SLC35D2: variants seen among roughly 807,000 people sequenced by gnomAD.
SLC35D2 encodes solute carrier family 35 member D2.
Under a neutral mutation model 41.8 loss-of-function variants are expected in SLC35D2, and 43 were observed. The ratio of observed to expected loss-of-function variants is 1.03; its 90% CI spans 0.81 to 1.33. The LOEUF (loss-of-function observed/expected upper bound fraction) is 1.33. SLC35D2 is among the 40% of genes most tolerant of loss of function. The pLI is 0.00. For missense variants in SLC35D2, 380 were observed against 408.4 expected (o/e 0.93, Z 0.60); for synonymous variants, 150 against 163.9 (o/e 0.92, Z 0.65).
chr9:96,379,656 G>A (rs1323285714), intron 1 of SLC35D2, among the ~76,000 whole-genome samples: 2 of 152,042 alleles, frequency 1.3e-5, no homozygotes, highest in African/African-American at 4.8e-5. Flanking sequence ...CGATTTCTAT[G>A]GTTTATTGTT....
At chr9:96,324,192 G>C in intron 9 of SLC35D2, 23 bp from the exon 10 acceptor site, 1 of 1,591,670 alleles carries the variant, frequency 6.3e-7, no homozygotes, top group Non-Finnish European at 8.6e-7. Flanking sequence ...AGCAGACACT[G>C]GAGTGTGTGC....
In SLC35D2 at chr9:96,345,421, G is replaced by A. The variant is rs1338472428; in HGVS notation, c.489-20C>T. On this transcript the variant is annotated intron_variant, in intron 6 of 11. Coordinates refer to ENST00000253270, the MANE Select transcript of SLC35D2 (RefSeq NM_007001.3). The stretch of plus-strand genomic sequence containing the variant: ...TCAGACCTGGGAGGGAGACCACAAA[G>A]GGAGAATGATTACTCAAAAACTCAC... The A allele has an allele frequency of 7.2e-7, 1 of 1,390,842 alleles. No homozygotes were observed. Among genetic ancestry groups the A allele is most frequent in the East Asian group, 2.3e-5 (1 of 43,676 alleles). The allele number at this position is 1,390,842 out of a possible 1,614,324, so 86.2% of individuals were successfully genotyped here.
intron 2 of SLC35D2, among the ~76,000 whole-genome samples, chr9:96,367,000 C>T (rs1423472141): frequency 6.7e-6 from 1 of 149,506 alleles, no homozygotes; most frequent in Admixed American, 6.6e-5. Context: ...GTGGGTGGAT[C>T]ACGAGGTCAG....
chr9:96,321,851 G>C, intron 11 of SLC35D2, 147 bp downstream of exon 11: 1 of 593,238 alleles, frequency 1.7e-6, no homozygotes, highest in Non-Finnish European at 3.0e-6. Flanking sequence ...CAGTGATGAA[G>C]TAAAATTATC....
chr9:96,316,779 TATTA>T (rs1444657374), downstream of SLC35D2, among the ~76,000 whole-genome samples: 3 of 106,064 alleles, frequency 2.8e-5, no homozygotes, highest in African/African-American at 1.2e-4. Flanking sequence ...AACTAGGTCC[TATTA>T]TTTAATCAAC....
At chr9:96,317,893 C>A (rs1400746452), downstream of SLC35D2, among the ~76,000 whole-genome samples, 1 of 149,574 alleles carries the variant, frequency 6.7e-6, no homozygotes, top group Non-Finnish European at 1.5e-5. Flanking sequence ...AATAGCCAGG[C>A]GTAGTGGCGT....
chr9:96,383,438 G>T, intron 1 of SLC35D2, 39 bp downstream of exon 1: 2 of 1,403,168 alleles, frequency 1.4e-6, no homozygotes, highest in Non-Finnish European at 1.9e-6. Flanking sequence ...GGGCAGCCCC[G>T]CACTCCCGCA....
intron 8 of SLC35D2, 56 bp downstream of exon 8, chr9:96,343,848 A>T: frequency 8.7e-7 from 1 of 1,151,378 alleles, no homozygotes; most frequent in Non-Finnish European, 1.2e-6. Context: ...CAAATGTTAA[A>T]TATTAAATTT....
At chr9:96,372,954 CA>C (rs1253393705) in intron 1 of SLC35D2, among the ~76,000 whole-genome samples, 2 of 150,276 alleles carry the variant, frequency 1.3e-5, no homozygotes, top group Non-Finnish European at 3.0e-5. Flanking sequence ...GGTTGGAGTA[CA>C]ATAGCATGAT....
intron 7 of SLC35D2, among the ~76,000 whole-genome samples, chr9:96,344,892 G>A (rs1389250704): frequency 1.3e-5 from 2 of 152,074 alleles, no homozygotes; most frequent in Admixed American, 6.5e-5. Context: ...ACTGAAGTTT[G>A]GAGAAGTTAA....
intron 1 of SLC35D2, among the ~76,000 whole-genome samples, chr9:96,371,188 G>A (rs1174425157): frequency 6.6e-6 from 1 of 152,148 alleles, no homozygotes; most frequent in African/African-American, 2.4e-5. Context: ...CAATAGGCCA[G>A]ATGCAGTGGC....
rs565580035 is a variant in SLC35D2 at position 96,335,419 on chromosome 9, G to A, written c.752+1298C>T. Among the ~76,000 whole-genome samples, 441 of 152,222 alleles carry A rather than the reference G, an allele frequency of 2.9e-3. 1 individual carries two copies. The highest frequency in any genetic ancestry group is 9.9e-3 in the African/African-American group (410 of 41,540). ...CTGTCACCCAGGCTGGAGTGCCGTG[G>A]CGCGATCTTGGCTCACTGCAACCTC... is the stretch of plus-strand genomic sequence containing the variant. On this transcript the variant is annotated intron_variant, in intron 9 of 11. Transcript: ENST00000253270.
chr9:96,370,031 A>G (rs893960477), intron 1 of SLC35D2, among the ~76,000 whole-genome samples: 3 of 152,164 alleles, frequency 2.0e-5, no homozygotes, highest in Admixed American at 6.6e-5. Flanking sequence ...AGAAGCAACC[A>G]TTCCCCAGCT....
At chr9:96,358,604 G>A (rs922789184) in intron 4 of SLC35D2, among the ~76,000 whole-genome samples, 1 of 152,158 alleles carries the variant, frequency 6.6e-6, no homozygotes, top group Non-Finnish European at 1.5e-5. Flanking sequence ...ACTATTGAAG[G>A]TGTCAGGACA....
intron 1 of SLC35D2, among the ~76,000 whole-genome samples, chr9:96,369,241 G>T (rs1292235696): frequency 6.6e-6 from 1 of 152,070 alleles, no homozygotes; most frequent in Non-Finnish European, 1.5e-5. Context: ...TCAAAGATTT[G>T]CAAGAAAGGC....
chr9:96,334,417 C>T (rs1828955177), intron 9 of SLC35D2, among the ~76,000 whole-genome samples: 1 of 152,140 alleles, frequency 6.6e-6, no homozygotes, highest in Admixed American at 6.5e-5. Flanking sequence ...GCAGGTGGAT[C>T]ACCTGAGGTC....
chr9:96,319,221 G>A (rs1190532062), downstream of SLC35D2, among the ~76,000 whole-genome samples: 1 of 152,132 alleles, frequency 6.6e-6, no homozygotes, highest in Non-Finnish European at 1.5e-5. Flanking sequence ...GATGAACCTC[G>A]GTGATATGGT....
chr9:96,377,765 C>A (rs950457280), intron 1 of SLC35D2, among the ~76,000 whole-genome samples: 7 of 152,270 alleles, frequency 4.6e-5, no homozygotes, highest in Non-Finnish European at 1.0e-4. Context: ...GGAAGGGTGA[C>A]CTGAGCTAGG....
chr9:96,356,370 G>C (rs1830023000), intron 4 of SLC35D2, among the ~76,000 whole-genome samples: 1 of 149,072 alleles, frequency 6.7e-6, no homozygotes, highest in Non-Finnish European at 1.5e-5. Context: ...ATCTTAGCTG[G>C]CTTTATTTAT....
Sources: gnomAD v4.1 joint callset for allele counts (sites outside exome capture counted in the v4.1 genomes callset) on GRCh38, gnomAD v4.1.1 for gene constraint, MANE v1.5 for transcripts, NCBI Gene and HGNC (gene_info 2026-07-23, HGNC 2026-07-21) for gene names.